Variants in SHANK2 observed in about 807,000 individuals in gnomAD.
The protein encoded by SHANK2 is SH3 and multiple ankyrin repeat domains protein 2.
SHANK2 carries 43 observed loss-of-function variants against 133.7 expected under a neutral mutation model. The ratio of observed to expected loss-of-function variants is 0.32; its 90% CI spans 0.25 to 0.41. SHANK2 has a LOEUF of 0.41. Among genes scored for constraint, SHANK2 ranks in the 10% least tolerant of loss-of-function variants. SHANK2 has a pLI of 1.00. For synonymous variants in SHANK2, 1,017 were observed against 952.8 expected, an observed-to-expected ratio of 1.07 and a Z score of -1.24; for missense variants, 1,994 against 2,235.8, an observed-to-expected ratio of 0.89 and a Z score of 2.18.
intron 4 of SHANK2, among the ~76,000 whole-genome samples, chr11:71,118,010 A>T (rs1952010959): frequency 6.6e-6 from 1 of 152,168 alleles, no homozygotes; most frequent in Non-Finnish European, 1.5e-5. Context: ...TCAGAATTGA[A>T]TTAATTATTG....
intron 10 of SHANK2, among the ~76,000 whole-genome samples, chr11:70,944,346 C>A (rs182200614): frequency 2.0e-5 from 3 of 152,204 alleles, no homozygotes; most frequent in Non-Finnish European, 4.4e-5. Flanking sequence ...GGCCTCTGCC[C>A]GGTGCCAGGG....
rs368760900 is a variant in SHANK2, at chr11:71,168,295, C to G, written c.-12-20957G>C. ...GGCTGGGAAGAGGCACTCCTCACTT[C>G]CTAGATGGGATGGCGGCCGGGCAGA... On this transcript the variant is annotated intron_variant, in intron 2 of 25. Transcript: ENST00000601538. Among the ~76,000 whole-genome samples the G allele has an allele frequency of 1.2e-3, 141 of 117,192 alleles. 6 individuals are homozygous for G. In the East Asian group the frequency reaches 0.027, roughly 22 times the overall value. The allele number at this position is 117,192 out of a possible 152,430, so 76.9% of individuals were successfully genotyped here.
intron 10 of SHANK2, chr11:70,952,718 G>A (rs1555086916): frequency 9.7e-6 from 4 of 412,134 alleles, no homozygotes; most frequent in East Asian, 7.9e-5. Flanking sequence ...TCTGGGGGAC[G>A]CAGATGGCAG....
At chr11:71,216,348 A>C (rs1409318256) in intron 2 of SHANK2, among the ~76,000 whole-genome samples, 2 of 152,214 alleles carry the variant, frequency 1.3e-5, no homozygotes, top group African/African-American at 4.8e-5. Context: ...CATGATGCTG[A>C]GTGAGAAGAT....
At chr11:71,056,733 C>A (rs1201392901) in intron 9 of SHANK2, among the ~76,000 whole-genome samples, 175 bp from the exon 10 acceptor site, 1 of 152,182 alleles carries the variant, frequency 6.6e-6, no homozygotes, top group Non-Finnish European at 1.5e-5. Context: ...GGCTCACCTG[C>A]TGCCAACTAT....
intron 2 of SHANK2, among the ~76,000 whole-genome samples, chr11:71,169,472 G>C (rs909877585): frequency 2.0e-5 from 3 of 152,168 alleles, no homozygotes; most frequent in Non-Finnish European, 4.4e-5. Flanking sequence ...AAACCAAGCT[G>C]GGTGCGGTGG....
intron 17 of SHANK2, among the ~76,000 whole-genome samples, chr11:70,585,457 A>G (rs1252587014): frequency 1.3e-5 from 2 of 152,198 alleles, no homozygotes; most frequent in Non-Finnish European, 2.9e-5. Flanking sequence ...ACTGCCCTGC[A>G]ATACTCTCCA....
intron 14 of SHANK2, among the ~76,000 whole-genome samples, chr11:70,701,200 G>T (rs1467984165): frequency 2.6e-5 from 4 of 152,072 alleles, no homozygotes; most frequent in Admixed American, 6.5e-5. Context: ...CAGAAAAAAA[G>T]ACTATTTCAG....
chr11:70,916,323 GC>G (rs1196204284), intron 10 of SHANK2, among the ~76,000 whole-genome samples: 1 of 152,164 alleles, frequency 6.6e-6, no homozygotes, highest in Non-Finnish European at 1.5e-5. Flanking sequence ...CATGGAAATG[GC>G]CTAGTTGCAG....
At chr11:70,688,680 T>C (rs1195578989) in intron 15 of SHANK2, among the ~76,000 whole-genome samples, 2 of 152,200 alleles carry the variant, frequency 1.3e-5, no homozygotes, top group Non-Finnish European at 2.9e-5. Flanking sequence ...GTGGATGATC[T>C]TGTCATGGGG....
At chr11:70,649,315 G>A (rs1291062699) in intron 17 of SHANK2, among the ~76,000 whole-genome samples, 1 of 152,210 alleles carries the variant, frequency 6.6e-6, no homozygotes, top group Non-Finnish European at 1.5e-5. Context: ...GGAGAGGGAA[G>A]TAGAGAACTT....
At chr11:70,529,892 T>C (rs374425516) in intron 17 of SHANK2, among the ~76,000 whole-genome samples, 3 of 152,230 alleles carry the variant, frequency 2.0e-5, no homozygotes, top group Admixed American at 1.3e-4. Flanking sequence ...GGCTGAATAA[T>C]ATTCCATTGC....
At position 70,568,081 on chromosome 11, in the gene SHANK2, C is replaced by T. The variant is rs2059989829; in HGVS notation, c.2062-65150G>A. 2.0e-5 allele frequency among the ~76,000 whole-genome samples: 3 copies of T among 152,292 alleles called. No homozygotes were observed. In the South Asian group the frequency reaches 6.2e-4, roughly 32 times the overall value. On this transcript the variant is annotated intron_variant, in intron 17 of 25. Transcript: ENST00000601538. ...TGCAAAACTGCCGTGAGGCCAGCAG[C>T]GGGGTGGTGGAGTCTGGCTCCGATC...
rs530091619 is a variant in SHANK2 at position 70,561,965 on chromosome 11, A to G, written c.2062-59034T>C. 3.9e-5 allele frequency among the ~76,000 whole-genome samples: 6 copies of G among 152,352 alleles called. No homozygotes were observed. The South Asian group carries it at 1.2e-3, about 32-fold the overall frequency. ...AAATGTTCCCTTACAGACACTTTAG[A>G]GGCATTCCACACATTTTGATATGTT... On this transcript the variant is annotated intron_variant, in intron 17 of 25. Transcript: ENST00000601538.
chr11:71,167,564 G>A (rs7935755), intron 2 of SHANK2, among the ~76,000 whole-genome samples: 7,474 of 82,272 alleles, frequency 0.091, 962 homozygotes, highest in African/African-American at 0.29. Flanking sequence ...CCTCCCTCCC[G>A]GACGGGGCGG....
chr11:70,759,114 G>A (rs545515929), intron 14 of SHANK2, among the ~76,000 whole-genome samples: 11 of 151,362 alleles, frequency 7.3e-5, no homozygotes, highest in African/African-American at 2.7e-4. Flanking sequence ...GCAGTGAGCC[G>A]AGATCACGCC....
intron 2 of SHANK2, among the ~76,000 whole-genome samples, chr11:71,147,862 A>G (rs1438666623): frequency 1.3e-5 from 2 of 152,194 alleles, no homozygotes; most frequent in African/African-American, 2.4e-5. Flanking sequence ...CCGTGTAAAA[A>G]CAGAACAAAA....
At chr11:70,492,787 GTTTTTTTTTTT>G (rs34452642) in intron 21 of SHANK2, among the ~76,000 whole-genome samples, 4 of 70,594 alleles carry the variant, frequency 5.7e-5, no homozygotes, top group East Asian at 1.0e-3. Flanking sequence ...ACATTTCTGT[GTTTTTTTTTTT>G]TTTTTTTTTT....
chr11:71,142,020 T>G (rs1376580883), intron 3 of SHANK2, among the ~76,000 whole-genome samples: 1 of 150,480 alleles, frequency 6.6e-6, no homozygotes, highest in South Asian at 2.1e-4. Flanking sequence ...CCGAGAATGC[T>G]TGATGCCAGG....
Sources: allele counts gnomAD v4.1 joint callset (sites outside exome capture counted in the v4.1 genomes callset), GRCh38; gene constraint gnomAD v4.1.1; transcripts MANE v1.5; gene names NCBI Gene and HGNC (gene_info 2026-07-23, HGNC 2026-07-21).